PRKRA: variants seen among roughly 807,000 people sequenced by gnomAD.
PRKRA encodes the protein interferon-inducible double-stranded RNA-dependent protein kinase activator A.
Under a neutral mutation model 32.4 loss-of-function variants are expected in PRKRA, and 22 were observed. The observed-to-expected ratio is 0.68, with a 90% CI of 0.49 to 0.97. PRKRA has a LOEUF of 0.97. Ranked by LOEUF, PRKRA falls within the 50% of genes least tolerant of loss-of-function variation. The pLI is 0.00. For missense variants in PRKRA, 319 were observed against 375.6 expected, an observed-to-expected ratio of 0.85 and a Z score of 1.25; for synonymous variants, 139 against 129.8, an observed-to-expected ratio of 1.07 and a Z score of -0.48.
intron 6 of PRKRA, among the ~76,000 whole-genome samples, chr2:178,437,121 A>G (rs1219339145): frequency 6.6e-6 from 1 of 152,206 alleles, no homozygotes; most frequent in East Asian, 1.9e-4. Flanking sequence ...TTTCCAAAAG[A>G]TTTTAGAGAT....
chr2:178,432,510 A>C (rs1696705493), intron 7 of PRKRA, among the ~76,000 whole-genome samples: 1 of 152,190 alleles, frequency 6.6e-6, no homozygotes, highest in Non-Finnish European at 1.5e-5. Flanking sequence ...ACTCTAGCTC[A>C]CTCAATCAGA....
In PRKRA at chr2:178,451,003, C is replaced by G. The variant is rs773436957; in HGVS notation, c.28G>C (p.Ala10Pro). The change falls in exon 1 of 8, where the codon GCC becomes CCC. Residue 10 changes from alanine to proline, a missense_variant. Coordinates refer to ENST00000325748, the MANE Select transcript of PRKRA (RefSeq NM_003690.5). ...CTGTCCTCGCGCTCCAGCGGCGGGG[C>G]CTCGGCGCGGTGCCTGCTCTGGGAC... MSQSRHRAE[A>P]PPLEREDSGT... 3 of 1,562,668 alleles carry G rather than the reference C, an allele frequency of 1.9e-6. No individual in the cohort carries two copies. The highest frequency in any genetic ancestry group is 4.8e-5 in the East Asian group (2 of 42,064).
At chr2:178,450,034 T>C in intron 2 of PRKRA, 2 of 686,324 alleles carry the variant, frequency 2.9e-6, no homozygotes, top group Non-Finnish European at 5.0e-6. Flanking sequence ...TTTTAGTTTC[T>C]AAGCTTCCTT....
intron 6 of PRKRA, chr2:178,439,117 C>A (rs1408288910): frequency 6.6e-6 from 1 of 152,156 alleles, no homozygotes; most frequent in African/African-American, 2.4e-5. Context: ...TATAGCCTAT[C>A]CCTGTCTACA....
Position 178,450,464 on chromosome 2 carries a change from A to G in PRKRA, c.66-53T>C, listed in dbSNP as rs548939329. 6 of 1,313,126 alleles carry G rather than the reference A, an allele frequency of 4.6e-6. No individual in the cohort carries two copies. The South Asian group carries it at 8.5e-5, about 19-fold the overall frequency. The allele number at this position is 1,313,126 out of a possible 1,614,324, so 81.3% of individuals were successfully genotyped here. ...TGCATGCCAAATTGGAGATTGAAGC[A>G]GAAGCGTAGAGGCCAGTTTTAACCG... On this transcript the variant is annotated intron_variant, in intron 1 of 7. Transcript: ENST00000325748.
At chr2:178,441,839 C>A in intron 5 of PRKRA, 135 bp from the exon 6 acceptor site, 1 of 733,074 alleles carries the variant, frequency 1.4e-6, no homozygotes, top group Non-Finnish European at 2.4e-6. Context: ...TTCTTACTGA[C>A]CTGATAACTT....
chr2:178,449,527 C>T (rs1232311484), intron 2 of PRKRA, among the ~76,000 whole-genome samples: 1 of 152,148 alleles, frequency 6.6e-6, no homozygotes, highest in African/African-American at 2.4e-5. Flanking sequence ...AAAATAATGT[C>T]CACATTTACA....
At chr2:178,435,987 T>TTA (rs1575087655) in intron 7 of PRKRA, among the ~76,000 whole-genome samples, 158 bp downstream of exon 7, 1 of 152,210 alleles carries the variant, frequency 6.6e-6, no homozygotes, top group Non-Finnish European at 1.5e-5. Context: ...GACATATCAA[T>TTA]TATATATATT....
chr2:178,432,021 T>C lies in PRKRA; in HGVS notation c.*76A>G. 1 of 1,506,882 alleles carries C rather than the reference T, an allele frequency of 6.6e-7. No homozygotes were observed. Among genetic ancestry groups the C allele is most frequent in the Non-Finnish European group, 9.2e-7 (1 of 1,090,336 alleles). 93.3% of individuals were successfully genotyped at this position (1,506,882 alleles called of 1,614,324 possible). On this transcript the variant is annotated 3_prime_UTR_variant, in exon 8 of 8. Coordinates refer to ENST00000325748, the MANE Select transcript of PRKRA (RefSeq NM_003690.5). ...TAGAAACAAGACATAAACACTACGG[T>C]AAAAGTTTTACTTGGGAAGGGGCCA... is the stretch of plus-strand genomic sequence containing the variant.
chr2:178,436,633 T>C (rs759677218), intron 6 of PRKRA, among the ~76,000 whole-genome samples: 1 of 152,178 alleles, frequency 6.6e-6, no homozygotes, highest in Non-Finnish European at 1.5e-5. Flanking sequence ...GGAAGCACCA[T>C]AAGTAAATCC....
At chr2:178,448,684 C>G (rs1697412381) in intron 2 of PRKRA, among the ~76,000 whole-genome samples, 1 of 152,106 alleles carries the variant, frequency 6.6e-6, no homozygotes, top group South Asian at 2.1e-4. Context: ...CAGCTACAAT[C>G]CAAGTGAGAG....
intron 1 of PRKRA, chr2:178,450,614 C>G: frequency 6.8e-7 from 1 of 1,467,586 alleles, no homozygotes; most frequent in Non-Finnish European, 8.9e-7. Context: ...GCGGGGTGAG[C>G]GAGGTCTTTA....
rs1480379888 is a variant in PRKRA at position 178,432,746 on chromosome 2, C to T, written c.785-492G>A. ...GGAATAACTTCGGTCAAGGCAAAAC[C>T]TCCCTTGTGTCTTCTATTAAAAAAA... is the stretch of plus-strand genomic sequence containing the variant. On this transcript the variant is annotated intron_variant, in intron 7 of 7. Transcript: ENST00000325748. Among the ~76,000 whole-genome samples, 6 of 152,224 alleles carry T rather than the reference C, an allele frequency of 3.9e-5. No individual in the cohort carries two copies. In the East Asian group the frequency reaches 1.2e-3, roughly 29 times the overall value.
rs1050726687 is a variant in PRKRA at position 178,451,006 on chromosome 2, C to T, written c.25G>A (p.Glu9Lys). Residue 9 changes from glutamate to lysine, a missense_variant, in exon 1 of 8, where the codon GAG (glutamate) becomes AAG (lysine). Physicochemically the swap from Glu to Lys is moderately conservative, Grantham distance 56. Coordinates refer to ENST00000325748, the MANE Select transcript of PRKRA (RefSeq NM_003690.5). ...TCCTCGCGCTCCAGCGGCGGGGCCT[C>T]GGCGCGGTGCCTGCTCTGGGACATG... MSQSRHRA[E>K]APPLEREDSG... The T allele has an allele frequency of 5.8e-6, 9 of 1,562,830 alleles. No individual in the cohort carries two copies. The highest frequency in any genetic ancestry group is 7.8e-6 in the Non-Finnish European group (9 of 1,159,142).
At position 178,431,483 on chromosome 2, in the gene PRKRA, T is replaced by C. The variant is rs1322842132; in HGVS notation, c.*614A>G. ...TTTGAATTTCAAAGTAAATTAGAGA[T>C]ATGTAAATAACAGAATTATCAACAT... On this transcript the variant is annotated 3_prime_UTR_variant, in exon 8 of 8. Transcript: ENST00000325748. 1 of 153,818 alleles carries C rather than the reference T, an allele frequency of 6.5e-6. No individual in the cohort carries two copies. Among genetic ancestry groups the C allele is most frequent in the African/African-American group, 2.4e-5 (1 of 41,464 alleles). 9.5% of individuals were successfully genotyped at this position (153,818 alleles called of 1,614,324 possible). A position where few individuals can be genotyped will look rare whatever the true frequency, so the allele number is the denominator to read the frequency against.
rs546281621 is a variant in PRKRA, at chr2:178,447,537, G to C, written c.285C>G (p.Ala95=). The C allele has an allele frequency of 1.2e-6, 2 of 1,614,040 alleles. No individual in the cohort carries two copies. Among genetic ancestry groups the C allele is most frequent in the East Asian group, 4.5e-5 (2 of 44,872 alleles). ...KLAKHRAAEA[A]INILKANASI... Reference sequence around the variant, plus strand: ...TTGCATTGGCTTTCAAAATGTTTATGGCAGCCTCTGCAGCTCTATGTTTCG... The same window carrying C: ...TTGCATTGGCTTTCAAAATGTTTATCGCAGCCTCTGCAGCTCTATGTTTCG... Residue 95 remains alanine, a synonymous_variant, in exon 3 of 8, where the codon GCC becomes GCG. Transcript: ENST00000325748.
chr2:178,432,274 G>C lies in PRKRA; in HGVS notation c.785-20C>G, dbSNP rs772425740. On this transcript the variant is annotated intron_variant, in intron 7 of 7. Coordinates refer to ENST00000325748, the MANE Select transcript of PRKRA (RefSeq NM_003690.5). ...GTTCATCTGTAATGACACATTCAAG[G>C]ATGACGATTAATGTCCAATATGTAT... The C allele has an allele frequency of 2.5e-6, 2 of 792,224 alleles. No individual in the cohort carries two copies. The highest frequency in any genetic ancestry group is 3.6e-6 in the Non-Finnish European group (2 of 549,628). 49.1% of individuals were successfully genotyped at this position (792,224 alleles called of 1,614,324 possible). A position where few individuals can be genotyped will look rare whatever the true frequency, so the allele number is the denominator to read the frequency against.
chr2:178,440,870 T>A (rs973234803), intron 6 of PRKRA, among the ~76,000 whole-genome samples: 4 of 152,206 alleles, frequency 2.6e-5, no homozygotes, highest in Non-Finnish European at 5.9e-5. Context: ...GGGATAAAGT[T>A]CACTTTCCTT....
At chr2:178,449,285 C>T (rs1697446358) in intron 2 of PRKRA, among the ~76,000 whole-genome samples, 1 of 152,122 alleles carries the variant, frequency 6.6e-6, no homozygotes, top group Admixed American at 6.5e-5. Context: ...GGGACCCTTC[C>T]GGCCAGCACC....
Sources: gnomAD v4.1 joint callset for allele counts (sites outside exome capture counted in the v4.1 genomes callset) on GRCh38, gnomAD v4.1.1 for gene constraint, MANE v1.5 for transcripts, NCBI Gene and HGNC (gene_info 2026-07-23, HGNC 2026-07-21) for gene names.